The following FGD4 variants were observed in gnomAD, a reference collection of about 807,000 sequenced individuals.
FGD4 encodes FYVE, RhoGEF and PH domain-containing protein 4.
FGD4 carries 42 observed loss-of-function variants against 102.0 expected under a neutral mutation model. That is an observed-to-expected ratio of 0.41 (90% CI 0.32 to 0.53). The LOEUF is 0.53. Ranked by LOEUF, FGD4 falls within the 20% of genes least tolerant of loss-of-function variation. The pLI, the probability that FGD4 is intolerant of heterozygous loss-of-function variation, is 0.21. For missense variants in FGD4, 902 were observed against 1,078.2 expected, an observed-to-expected ratio of 0.84 and a Z score of 2.29; for synonymous variants, 380 against 375.7, an observed-to-expected ratio of 1.01 and a Z score of -0.13.
intron 1 of FGD4, among the ~76,000 whole-genome samples, chr12:32,555,832 AGT>A (rs1464440801): frequency 6.6e-6 from 1 of 151,988 alleles, no homozygotes; most frequent in Non-Finnish European, 1.5e-5. Context: ...AGCCTCCCAA[AGT>A]GCTAGGATTA....
chr12:32,537,572 C>T (rs1163202948), intron 1 of FGD4, among the ~76,000 whole-genome samples: 1 of 152,220 alleles, frequency 6.6e-6, no homozygotes, highest in East Asian at 1.9e-4. Context: ...CCTACCTTCT[C>T]TAGCCCCTAT....
chr12:32,601,890 T>C (rs757972287), intron 6 of FGD4, among the ~76,000 whole-genome samples: 3 of 152,160 alleles, frequency 2.0e-5, no homozygotes, highest in Non-Finnish European at 4.4e-5. Flanking sequence ...GCGGATCCCT[T>C]GAGCCCAGGA....
At chr12:32,481,127 CAAAAAAAAAAAAAAAAA>C (rs1157108520) in intron 1 of FGD4, among the ~76,000 whole-genome samples, 2 of 27,354 alleles carry the variant, frequency 7.3e-5, no homozygotes, top group African/African-American at 1.8e-4. Flanking sequence ...GACTCCGTCT[CAAAAAAAAAAAAAAAAA>C]AAAAAAAAAA....
intron 1 of FGD4, among the ~76,000 whole-genome samples, chr12:32,485,548 C>T (rs1368934315): frequency 6.8e-6 from 1 of 146,476 alleles, no homozygotes; most frequent in East Asian, 2.0e-4. Flanking sequence ...TCACGCTATT[C>T]TCTTGCCTCA....
intron 1 of FGD4, among the ~76,000 whole-genome samples, chr12:32,540,549 TTTTC>T (rs1229560214): frequency 7.9e-5 from 12 of 151,352 alleles, no homozygotes; most frequent in Admixed American, 3.9e-4. Context: ...ACGCCTTTTT[TTTTC>T]TTTCTTTCTT....
At chr12:32,417,406 G>A (rs545260014) in intron 1 of FGD4, among the ~76,000 whole-genome samples, 1 of 152,018 alleles carries the variant, frequency 6.6e-6, no homozygotes, top group East Asian at 1.9e-4. Context: ...CTCCTGGCCT[G>A]TAAGGTTTCC....
In FGD4 at chr12:32,633,535, C is replaced by A; in HGVS notation, c.2173-14C>A. On this transcript the variant is annotated splice_polypyrimidine_tract_variant and intron_variant, in intron 14 of 16. Transcript: ENST00000534526. ...TTAAATATGATTACTGTTCATTTTT[C>A]TTTTAAATTTAAGGTGGTTTGTTGG... 6.2e-7 allele frequency: 1 copy of A among 1,610,246 alleles called. No individual in the cohort carries two copies. The highest frequency in any genetic ancestry group is 1.1e-5 in the South Asian group (1 of 90,776).
At chr12:32,439,007 T>G (rs1301334142) in intron 1 of FGD4, among the ~76,000 whole-genome samples, 3 of 152,206 alleles carry the variant, frequency 2.0e-5, no homozygotes, top group African/African-American at 7.2e-5. Context: ...ATGTATTACC[T>G]CACTTATAAT....
chr12:32,468,620 T>C (rs1383701389), intron 1 of FGD4, among the ~76,000 whole-genome samples: 1 of 152,128 alleles, frequency 6.6e-6, no homozygotes, highest in Non-Finnish European at 1.5e-5. Context: ...CTCATGCCTG[T>C]AAACCCAGCA....
At chr12:32,621,569 T>C (rs2136905045) in intron 11 of FGD4, among the ~76,000 whole-genome samples, 1 of 152,346 alleles carries the variant, frequency 6.6e-6, no homozygotes, top group Non-Finnish European at 1.5e-5. Context: ...GAGAAATCAT[T>C]TTAACAGGAA....
chr12:32,501,631 A>G (rs1395885841), intron 1 of FGD4, among the ~76,000 whole-genome samples: 5 of 152,368 alleles, frequency 3.3e-5, no homozygotes, highest in East Asian at 1.9e-4. Context: ...ATTATTTTAT[A>G]ACACAATTGA....
intron 1 of FGD4, among the ~76,000 whole-genome samples, chr12:32,541,785 C>T (rs1942854792): frequency 6.6e-6 from 1 of 152,104 alleles, no homozygotes; most frequent in Non-Finnish European, 1.5e-5. Context: ...AATTACCAAC[C>T]ATCAAAAAGA....
intron 1 of FGD4, among the ~76,000 whole-genome samples, chr12:32,473,415 G>A (rs1263596784): frequency 1.3e-5 from 2 of 152,052 alleles, no homozygotes; most frequent in Admixed American, 1.3e-4. Context: ...CCACTGGGGG[G>A]AAGGAACAAC....
chr12:32,587,100 G>A (rs574073697), intron 4 of FGD4, among the ~76,000 whole-genome samples: 2 of 146,976 alleles, frequency 1.4e-5, no homozygotes, highest in African/African-American at 5.1e-5. Flanking sequence ...TGAGGCAGGC[G>A]AATTGCTTGA....
At chr12:32,637,167 G>A (rs112421615) in intron 15 of FGD4, among the ~76,000 whole-genome samples, 2,700 of 149,868 alleles carry the variant, frequency 0.018, 32 homozygotes, top group Non-Finnish European at 0.027. Flanking sequence ...GGGATTACAC[G>A]TGTGAGCCAC....
chr12:32,407,081 G>T (rs1940967493), intron 1 of FGD4, among the ~76,000 whole-genome samples: 1 of 150,294 alleles, frequency 6.7e-6, no homozygotes, highest in Non-Finnish European at 1.5e-5. Context: ...AAAGTGCTGG[G>T]ATTACAGGCA....
chr12:32,524,790 G>A (rs1455847069), intron 1 of FGD4, among the ~76,000 whole-genome samples: 2 of 150,672 alleles, frequency 1.3e-5, no homozygotes, highest in Non-Finnish European at 2.9e-5. Context: ...ACACCACTGC[G>A]ATCCACCTGG....
chr12:32,426,591 G>C (rs373011662), intron 1 of FGD4, among the ~76,000 whole-genome samples: 2 of 152,154 alleles, frequency 1.3e-5, no homozygotes, highest in Admixed American at 6.6e-5. Context: ...AATGAGTTAG[G>C]GGGGATTCCC....
chr12:32,480,648 G>GC (rs1943725975), intron 1 of FGD4, among the ~76,000 whole-genome samples: 3 of 151,100 alleles, frequency 2.0e-5, no homozygotes, highest in Non-Finnish European at 4.4e-5. Flanking sequence ...TTACAGGCAC[G>GC]CACCACCATG....
Sources: allele counts gnomAD v4.1 joint callset (sites outside exome capture counted in the v4.1 genomes callset), GRCh38; gene constraint gnomAD v4.1.1; transcripts MANE v1.5; gene names NCBI Gene and HGNC (gene_info 2026-07-23, HGNC 2026-07-21).